VAV2: variants seen among roughly 807,000 people sequenced by gnomAD.
The protein encoded by VAV2 is vav guanine nucleotide exchange factor 2.
In VAV2, 67 loss-of-function variants were observed where a neutral mutation model predicts 132.5. The observed-to-expected ratio is 0.51, with a 90% confidence interval of 0.42 to 0.62. The LOEUF (loss-of-function observed/expected upper bound fraction) is 0.62, where lower values mean the gene tolerates loss of function less well. Among genes scored for constraint, VAV2 ranks in the 20% least tolerant of loss-of-function variants. VAV2 has a pLI of 0.00. For missense variants in VAV2, 938 were observed against 1,153.6 expected, an observed-to-expected ratio of 0.81 and a Z score of 2.71; for synonymous variants, 492 against 443.5, an observed-to-expected ratio of 1.11 and a Z score of -1.37.
chr9:133,783,730 G>T, intron 18 of VAV2, 139 bp from the exon 19 acceptor site: 1 of 736,264 alleles, frequency 1.4e-6, no homozygotes, highest in Non-Finnish European at 2.4e-6. Flanking sequence ...ATAGCCCTGA[G>T]TATCCAGGAC....
chr9:133,847,159 T>C (rs181593136), intron 3 of VAV2, among the ~76,000 whole-genome samples: 44 of 152,248 alleles, frequency 2.9e-4, no homozygotes, highest in Admixed American at 2.6e-3. Flanking sequence ...GGATACCTGT[T>C]CCATCCAAAC....
intron 3 of VAV2, among the ~76,000 whole-genome samples, chr9:133,854,025 C>A (rs947172497): frequency 6.6e-6 from 1 of 152,032 alleles, no homozygotes; most frequent in African/African-American, 2.4e-5. Context: ...CACGTGTGCA[C>A]ACACACACAC....
At chr9:133,952,876 C>A (rs1213095547) in intron 1 of VAV2, among the ~76,000 whole-genome samples, 2 of 90,428 alleles carry the variant, frequency 2.2e-5, no homozygotes, top group Admixed American at 2.1e-4. Context: ...CCCGGGACAC[C>A]TAGAACCTGG....
intron 4 of VAV2, among the ~76,000 whole-genome samples, chr9:133,822,173 A>G (rs1441156165): frequency 6.6e-6 from 1 of 152,168 alleles, no homozygotes; most frequent in Admixed American, 6.5e-5. Flanking sequence ...AATCAAAAGA[A>G]AACCAACAAA....
intron 3 of VAV2, among the ~76,000 whole-genome samples, chr9:133,860,884 C>T (rs1252123324): frequency 6.6e-6 from 1 of 152,086 alleles, no homozygotes; most frequent in African/African-American, 2.4e-5. Context: ...CCCTCTGAGG[C>T]TGAATTTTGC....
At chr9:133,910,169 T>C (rs939781868) in intron 2 of VAV2, among the ~76,000 whole-genome samples, 9 of 152,140 alleles carry the variant, frequency 5.9e-5, no homozygotes, top group Admixed American at 2.6e-4. Context: ...CTTGCAGCCA[T>C]TGTGAACCAT....
chr9:133,895,342 C>T (rs1224186619), intron 2 of VAV2, among the ~76,000 whole-genome samples: 2 of 152,162 alleles, frequency 1.3e-5, no homozygotes, highest in Non-Finnish European at 2.9e-5. Flanking sequence ...TCAAGCCTGT[C>T]TGTAACATGA....
Position 133,789,251 on chromosome 9 carries a change from T to C in VAV2, c.1274+7A>G, listed in dbSNP as rs747006465. The C allele has an allele frequency of 3.1e-6, 5 of 1,613,920 alleles. No individual in the cohort carries two copies. Among genetic ancestry groups the C allele is most frequent in the Non-Finnish European group, 4.2e-6 (5 of 1,179,938 alleles). ...GCCACCCAGCCCACAACACGCGCCC[T>C]GCTCACCTGTCCTGCTTGGTGTGGT... On this transcript the variant is annotated splice_region_variant and intron_variant, in intron 14 of 29. Transcript: ENST00000371850.
intron 2 of VAV2, among the ~76,000 whole-genome samples, chr9:133,915,780 GCA>G (rs1564462767): frequency 7.0e-6 from 1 of 143,060 alleles, no homozygotes; most frequent in East Asian, 2.1e-4. Flanking sequence ...ATGCACACAC[GCA>G]CACGATGTAC....
In VAV2 at chr9:133,768,420, C is replaced by T; in HGVS notation, c.2589+22G>A. On this transcript the variant is annotated intron_variant, in intron 29 of 29. Coordinates refer to ENST00000371850, the MANE Select transcript of VAV2 (RefSeq NM_001134398.2). The surrounding 1 kb of genome is among the most constrained non-coding windows in gnomAD (Gnocchi z 5.3). Reference sequence around the variant, plus strand: ...GGGCTGCAGCGAGGCCAGCCCCACACCCTCAGGGTGGGGCCACTCACCCGT... The same window carrying T: ...GGGCTGCAGCGAGGCCAGCCCCACATCCTCAGGGTGGGGCCACTCACCCGT... 6.2e-7 allele frequency: 1 copy of T among 1,609,508 alleles called. No individual in the cohort carries two copies. Among genetic ancestry groups the T allele is most frequent in the Non-Finnish European group, 8.5e-7 (1 of 1,179,076 alleles).
Position 133,946,815 on chromosome 9 carries a change from G to C in VAV2, c.205-7596C>G, listed in dbSNP as rs559703364. On this transcript the variant is annotated intron_variant, in intron 1 of 29. Coordinates refer to ENST00000371850, the MANE Select transcript of VAV2 (RefSeq NM_001134398.2). ...GATTACTATTCAACAGATGCAGCTT[G>C]ATGGAATGGATCAAATTTGGGGCCC... Among the ~76,000 whole-genome samples the C allele has an allele frequency of 3.9e-5, 6 of 152,318 alleles. No homozygotes were observed. The South Asian group carries it at 1.2e-3, about 32-fold the overall frequency.
At chr9:133,952,872 A>G (rs1841609801) in intron 1 of VAV2, among the ~76,000 whole-genome samples, 1 of 90,102 alleles carries the variant, frequency 1.1e-5, no homozygotes, top group African/African-American at 4.8e-5. Flanking sequence ...GGCCCCCGGG[A>G]CACCTAGAAC....
chr9:133,796,643 G>A, intron 10 of VAV2, 119 bp from the exon 11 acceptor site: 2 of 894,516 alleles, frequency 2.2e-6, no homozygotes, highest in Non-Finnish European at 3.3e-6. Flanking sequence ...CAGACGTTTG[G>A]CCCTTCTCTA....
intron 2 of VAV2, among the ~76,000 whole-genome samples, chr9:133,871,770 G>A (rs566329255): frequency 3.9e-5 from 6 of 152,234 alleles, no homozygotes; most frequent in South Asian, 2.1e-4. Flanking sequence ...AACATGACTC[G>A]ACCAAGGTCT....
rs1365160043 is a variant in VAV2, at chr9:133,770,507, G to A, written c.2224-6C>T. ...TGGTAGTACTCCACCAACTCCTGCA[G>A]GGCGTACACACTCACTGACAGCTGC... On this transcript the variant is annotated splice_polypyrimidine_tract_variant and splice_region_variant and intron_variant, in intron 26 of 29. Transcript: ENST00000371850. The A allele has an allele frequency of 6.2e-7, 1 of 1,613,544 alleles. No homozygotes were observed. Among genetic ancestry groups the A allele is most frequent in the Non-Finnish European group, 8.5e-7 (1 of 1,179,754 alleles).
Position 133,778,750 on chromosome 9 carries a change from C to T in VAV2, c.1890+12G>A. On this transcript the variant is annotated intron_variant, in intron 22 of 29. Coordinates refer to ENST00000371850, the MANE Select transcript of VAV2 (RefSeq NM_001134398.2). ...CCGGGGACCCTCGACCCTCCCGGGC[C>T]CCAGGACCCACCTCCCACCACGGAG... The T allele has an allele frequency of 6.2e-7, 1 of 1,611,914 alleles. No individual in the cohort carries two copies. Among genetic ancestry groups the T allele is most frequent in the Non-Finnish European group, 8.5e-7 (1 of 1,179,806 alleles).
chr9:133,848,576 A>C (rs928570771), intron 3 of VAV2, among the ~76,000 whole-genome samples: 1 of 152,166 alleles, frequency 6.6e-6, no homozygotes, highest in Admixed American at 6.5e-5. Flanking sequence ...CAAGGGCACC[A>C]GATGGCCGAT....
chr9:133,909,991 A>G (rs1839819059), intron 2 of VAV2, among the ~76,000 whole-genome samples: 2 of 144,466 alleles, frequency 1.4e-5, no homozygotes, highest in South Asian at 4.3e-4. Context: ...TCCATCAGAC[A>G]GCCCCCCACG....
At chr9:133,936,680 C>A (rs1840922739) in intron 2 of VAV2, among the ~76,000 whole-genome samples, 1 of 152,212 alleles carries the variant, frequency 6.6e-6, no homozygotes, top group African/African-American at 2.4e-5. Flanking sequence ...CAAACACCTC[C>A]TGTGGACCTC....
Sources: allele counts gnomAD v4.1 joint callset (sites outside exome capture counted in the v4.1 genomes callset), GRCh38; gene constraint gnomAD v4.1.1; non-coding constraint Gnocchi (gnomAD v3.1); transcripts MANE v1.5; gene names NCBI Gene and HGNC (gene_info 2026-07-23, HGNC 2026-07-21).